GALNTL6: variants seen among roughly 807,000 people sequenced by gnomAD.
GALNTL6 encodes polypeptide N-acetylgalactosaminyltransferase like 6.
In GALNTL6, 46 loss-of-function variants were observed where a neutral mutation model predicts 73.7. The observed-to-expected ratio is 0.62, with a 90% CI of 0.49 to 0.80. GALNTL6 has a LOEUF of 0.80. Ranked by LOEUF, GALNTL6 falls within the 30% of genes least tolerant of loss-of-function variation. The probability of loss-of-function intolerance (pLI) is 0.00; values close to 1 mark genes in which losing one functional copy is unlikely to be tolerated. For missense variants in GALNTL6, 604 were observed against 755.0 expected (o/e 0.80, Z 2.34); for synonymous variants, 259 against 263.7 (o/e 0.98, Z 0.17).
At chr4:172,927,150 ATATAT>A (rs1381587415) in intron 8 of GALNTL6, among the ~76,000 whole-genome samples, 1 of 152,202 alleles carries the variant, frequency 6.6e-6, no homozygotes, top group Non-Finnish European at 1.5e-5. Flanking sequence ...TGAGGGAAAA[ATATAT>A]TATAAATAAG....
At chr4:172,794,549 G>C (rs1466366514) in intron 5 of GALNTL6, among the ~76,000 whole-genome samples, 1 of 152,150 alleles carries the variant, frequency 6.6e-6, no homozygotes, top group African/African-American at 2.4e-5. Flanking sequence ...GGAGAAGAGG[G>C]CCAAATTATA....
intron 5 of GALNTL6, among the ~76,000 whole-genome samples, chr4:172,778,907 C>T (rs1334031281): frequency 6.6e-6 from 1 of 152,098 alleles, no homozygotes; most frequent in Non-Finnish European, 1.5e-5. Context: ...GCACTTCTTG[C>T]TCATCTTGCA....
intron 5 of GALNTL6, among the ~76,000 whole-genome samples, chr4:172,742,209 A>G (rs959783090): frequency 6.6e-6 from 1 of 151,930 alleles, no homozygotes; most frequent in African/African-American, 2.4e-5. Flanking sequence ...TTAAAGGGTA[A>G]GAATACCTGG....
At chr4:172,183,480 C>T (rs1399961922) in intron 2 of GALNTL6, among the ~76,000 whole-genome samples, 9 of 152,106 alleles carry the variant, frequency 5.9e-5, no homozygotes, top group Non-Finnish European at 5.9e-5. Flanking sequence ...AGCAAGAGTC[C>T]ACATGAAAGG....
chr4:172,017,654 G>T (rs1176881047), intron 2 of GALNTL6, among the ~76,000 whole-genome samples: 1 of 152,112 alleles, frequency 6.6e-6, no homozygotes, highest in Non-Finnish European at 1.5e-5. Context: ...CAGCAGAAAG[G>T]TCTGGAACCC....
At chr4:172,093,879 G>A (rs1373192104) in intron 2 of GALNTL6, among the ~76,000 whole-genome samples, 1 of 151,960 alleles carries the variant, frequency 6.6e-6, no homozygotes, top group East Asian at 1.9e-4. Flanking sequence ...ACAAGGTCAG[G>A]ACTCCCACTG....
chr4:171,965,833 G>A (rs1278236927), intron 2 of GALNTL6, among the ~76,000 whole-genome samples: 2 of 152,052 alleles, frequency 1.3e-5, no homozygotes, highest in South Asian at 2.1e-4. Context: ...GAAAAAGAGG[G>A]AATGTATTTA....
intron 5 of GALNTL6, among the ~76,000 whole-genome samples, chr4:172,398,477 T>C (rs1338450205): frequency 6.6e-6 from 1 of 152,188 alleles, no homozygotes; most frequent in Non-Finnish European, 1.5e-5. Context: ...GCAGTGCTAT[T>C]AGATTTAATC....
intron 8 of GALNTL6, among the ~76,000 whole-genome samples, chr4:172,913,172 AC>A (rs1157097112): frequency 2.0e-5 from 3 of 152,206 alleles, no homozygotes; most frequent in Non-Finnish European, 4.4e-5. Flanking sequence ...TAGAAGGAAA[AC>A]TAACAGACAG....
intron 2 of GALNTL6, among the ~76,000 whole-genome samples, chr4:171,856,882 C>T (rs930027899): frequency 6.6e-6 from 1 of 152,120 alleles, no homozygotes; most frequent in African/African-American, 2.4e-5. Context: ...AGCCCTACAA[C>T]TTGTTTTTCT....
chr4:172,590,815 A>T (rs887180189), intron 5 of GALNTL6, among the ~76,000 whole-genome samples: 4 of 152,168 alleles, frequency 2.6e-5, no homozygotes, highest in African/African-American at 9.6e-5. Context: ...GACAAAAGGG[A>T]GTAATAATAG....
intron 2 of GALNTL6, among the ~76,000 whole-genome samples, chr4:172,137,485 A>C (rs943411587): frequency 6.6e-6 from 1 of 152,198 alleles, no homozygotes; most frequent in Non-Finnish European, 1.5e-5. Context: ...ATTTGCAGAC[A>C]TTTTGCCTGA....
intron 10 of GALNTL6, among the ~76,000 whole-genome samples, chr4:172,979,889 C>T (rs550388370): frequency 5.9e-5 from 9 of 152,202 alleles, no homozygotes; most frequent in African/African-American, 9.7e-5. Context: ...ATGTCCTCCC[C>T]GCAATTTGAA....
intron 12 of GALNTL6, among the ~76,000 whole-genome samples, chr4:173,031,236 C>A (rs1336245422): frequency 6.6e-6 from 1 of 152,126 alleles, no homozygotes; most frequent in Non-Finnish European, 1.5e-5. Flanking sequence ...TTTAAGTGCA[C>A]CTAGAGCATA....
Position 172,946,731 on chromosome 4 carries a change from G to A in GALNTL6, c.1150-5306G>A, listed in dbSNP as rs545010403. ...TTAATGCCAGTTTGGGTTGAATAGA[G>A]GAACATTTGTGACACACAAAGAACC... is the stretch of plus-strand genomic sequence containing the variant. On this transcript the variant is annotated intron_variant, in intron 9 of 12. Coordinates refer to ENST00000506823, the MANE Select transcript of GALNTL6 (RefSeq NM_001034845.3). Among the ~76,000 whole-genome samples the A allele has an allele frequency of 2.0e-3, 301 of 152,254 alleles. 1 individual carries two copies. Among genetic ancestry groups the A allele is most frequent in the Non-Finnish European group, 1.9e-3 (130 of 68,022 alleles).
rs144896349 is a variant in GALNTL6, at chr4:171,916,349, A to T, written c.138+101631A>T. ...CCATATTTTTTGTTATAATCACAATATATGTCATGACATAGTGCAAAGGCT... is the reference window on the plus strand; with the variant it reads ...CCATATTTTTTGTTATAATCACAATTTATGTCATGACATAGTGCAAAGGCT... On this transcript the variant is annotated intron_variant, in intron 2 of 12. Coordinates refer to ENST00000506823, the MANE Select transcript of GALNTL6 (RefSeq NM_001034845.3). Among the ~76,000 whole-genome samples, 231 of 152,260 alleles carry T rather than the reference A, an allele frequency of 1.5e-3. 1 individual carries two copies. The highest frequency in any genetic ancestry group is 1.0e-2 in the Admixed American group (152 of 15,270).
chr4:172,528,319 AATATATATATATATATATATAT>A (rs3083419), intron 5 of GALNTL6, among the ~76,000 whole-genome samples: 42,367 of 104,066 alleles, frequency 0.41, 8,893 homozygotes, highest in South Asian at 0.63. Context: ...CTAGAAATAA[AATATATATATATATATATATAT>A]ATATATATAT....
At chr4:172,833,352 T>C (rs1275261639) in intron 7 of GALNTL6, among the ~76,000 whole-genome samples, 1 of 152,202 alleles carries the variant, frequency 6.6e-6, no homozygotes, top group Non-Finnish European at 1.5e-5. Context: ...CTGAAGATAC[T>C]GCTGTGAGTG....
At chr4:172,592,400 C>T (rs1737672596) in intron 5 of GALNTL6, among the ~76,000 whole-genome samples, 1 of 152,116 alleles carries the variant, frequency 6.6e-6, no homozygotes, top group African/African-American at 2.4e-5. Flanking sequence ...CCCACTCTCC[C>T]ACTAGGTCCT....
Sources: gnomAD v4.1 joint callset for allele counts (sites outside exome capture counted in the v4.1 genomes callset) on GRCh38, gnomAD v4.1.1 for gene constraint, MANE v1.5 for transcripts, NCBI Gene and HGNC (gene_info 2026-07-23, HGNC 2026-07-21) for gene names.